LNX1: variants seen among roughly 807,000 people sequenced by gnomAD.
The protein encoded by LNX1 is ligand of numb-protein X 1, also known as E3 ubiquitin-protein ligase LNX.
Under a neutral mutation model 68.4 loss-of-function variants are expected in LNX1, and 54 were observed. That is an observed-to-expected ratio of 0.79 (90% CI 0.63 to 0.99). The LOEUF (loss-of-function observed/expected upper bound fraction) is 0.99, where lower values mean the gene tolerates loss of function less well. LNX1 is among the 50% of genes least tolerant of loss of function. LNX1 has a pLI of 0.00. For synonymous variants in LNX1, 336 were observed against 350.0 expected, an observed-to-expected ratio of 0.96 and a Z score of 0.45; for missense variants, 906 against 926.4, an observed-to-expected ratio of 0.98 and a Z score of 0.29.
At chr4:53,639,168 C>A (rs1362266508) in intron 1 of LNX1, among the ~76,000 whole-genome samples, 5 of 152,180 alleles carry the variant, frequency 3.3e-5, no homozygotes, top group African/African-American at 1.2e-4. Context: ...AGAACAAAAT[C>A]ATGTCCTTTG....
At chr4:53,599,890 G>A (rs1446096243) in intron 2 of LNX1, among the ~76,000 whole-genome samples, 6 of 152,186 alleles carry the variant, frequency 3.9e-5, no homozygotes, top group Non-Finnish European at 5.9e-5. Flanking sequence ...TATGGTCTCA[G>A]TTTCGTGCCC....
At chr4:53,610,721 A>G (rs1182706650) in intron 2 of LNX1, among the ~76,000 whole-genome samples, 2 of 151,118 alleles carry the variant, frequency 1.3e-5, no homozygotes, top group East Asian at 3.9e-4. Flanking sequence ...AGAGGAAAAA[A>G]AAAAAAAAAA....
exon 1 of LNX1, chr4:53,617,318 TC>T (rs1733715679): frequency 6.6e-6 from 1 of 152,210 alleles, no homozygotes; most frequent in Non-Finnish European, 1.5e-5. Context: ...ACCACAGCTT[TC>T]ATTTTTGAAG....
At position 53,460,781 on chromosome 4, in the gene LNX1, A is replaced by G; in HGVS notation, c.*126T>C. 2 of 999,766 alleles carry G rather than the reference A, an allele frequency of 2.0e-6. No homozygotes were observed. The highest frequency in any genetic ancestry group is 2.9e-6 in the Non-Finnish European group (2 of 684,458). The allele number at this position is 999,766 out of a possible 1,614,324, so 61.9% of individuals were successfully genotyped here. On this transcript the variant is annotated 3_prime_UTR_variant, in exon 11 of 11. Transcript: ENST00000263925. ...TGTAACTGGCTTTCATTAGATGATC[A>G]TACTTTTCCTGACATTTTTACAATG...
chr4:53,634,116 G>A (rs1421528687), intron 1 of LNX1, among the ~76,000 whole-genome samples: 1 of 152,096 alleles, frequency 6.6e-6, no homozygotes, highest in African/African-American at 2.4e-5. Flanking sequence ...GAAGAAGACA[G>A]GAAATCTCAA....
chr4:53,626,726 G>T (rs1201536535), intron 1 of LNX1, among the ~76,000 whole-genome samples: 1 of 152,180 alleles, frequency 6.6e-6, no homozygotes, highest in Non-Finnish European at 1.5e-5. Context: ...AGAAGGAAAT[G>T]AGCTCTTCTT....
At chr4:53,469,530 CA>C (rs1173982685) in intron 9 of LNX1, among the ~76,000 whole-genome samples, 1 of 151,998 alleles carries the variant, frequency 6.6e-6, no homozygotes, top group Admixed American at 6.6e-5. Flanking sequence ...AAAAACCCTT[CA>C]AAAAATCAAT....
intron 2 of LNX1, among the ~76,000 whole-genome samples, chr4:53,598,389 T>A (rs1450846705): frequency 1.3e-5 from 2 of 151,968 alleles, no homozygotes; most frequent in Non-Finnish European, 2.9e-5. Context: ...TGCACCACCA[T>A]GCCCAGCAAA....
At chr4:53,595,220 TCTGTTGGGGAGGAA>T (rs1732695859), upstream of LNX1, among the ~76,000 whole-genome samples, 7 of 152,074 alleles carry the variant, frequency 4.6e-5, no homozygotes, top group Admixed American at 4.6e-4. Context: ...ATAGCAGATA[TCTGTTGGGGAGGAA>T]CATGTGTGTG....
At chr4:53,601,074 C>CAAGAAAGA (rs377014314) in intron 2 of LNX1, among the ~76,000 whole-genome samples, 1 of 76,334 alleles carries the variant, frequency 1.3e-5, no homozygotes, top group Non-Finnish European at 2.3e-5. Context: ...GAAGATTCTG[C>CAAGAAAGA]AAGAAAGAAA....
intron 1 of LNX1, among the ~76,000 whole-genome samples, chr4:53,631,690 G>T (rs1734279151): frequency 6.7e-6 from 1 of 148,836 alleles, no homozygotes; most frequent in Non-Finnish European, 1.5e-5. Context: ...TGAGACCCAA[G>T]CATGGATATA....
intron 1 of LNX1, chr4:53,575,934 C>T: frequency 6.4e-7 from 1 of 1,567,292 alleles, no homozygotes; most frequent in Non-Finnish European, 8.6e-7. Context: ...TTGGGGTCAG[C>T]ACCAACCTGC....
chr4:53,489,882 T>G (rs761967070), intron 6 of LNX1, among the ~76,000 whole-genome samples: 1 of 152,130 alleles, frequency 6.6e-6, no homozygotes, highest in Non-Finnish European at 1.5e-5. Context: ...AGATTAAGTG[T>G]ACTGATCTGT....
At chr4:53,530,921 T>G (rs1727973660) in intron 2 of LNX1, among the ~76,000 whole-genome samples, 1 of 152,136 alleles carries the variant, frequency 6.6e-6, no homozygotes. Context: ...CCCAGCACCC[T>G]GGGAGGCTTA....
chr4:53,643,404 C>T (rs1468521200), intron 1 of LNX1, among the ~76,000 whole-genome samples: 2 of 152,088 alleles, frequency 1.3e-5, no homozygotes, highest in Non-Finnish European at 2.9e-5. Context: ...CCCACCTTGG[C>T]CTTCCAAAGT....
chr4:53,478,439 T>C (rs1723704152), intron 8 of LNX1, 126 bp downstream of exon 8: 2 of 815,766 alleles, frequency 2.5e-6, no homozygotes, highest in Non-Finnish European at 3.7e-6. Context: ...GGTCAATGGG[T>C]AACAAAAGTC....
At chr4:53,481,034 C>A (rs1723878853) in intron 7 of LNX1, among the ~76,000 whole-genome samples, 1 of 152,146 alleles carries the variant, frequency 6.6e-6, no homozygotes. Context: ...CTTAAACACG[C>A]ATCCAAATGA....
At chr4:53,466,021 G>T (rs1054372967) in intron 9 of LNX1, among the ~76,000 whole-genome samples, 8 of 152,014 alleles carry the variant, frequency 5.3e-5, no homozygotes, top group Non-Finnish European at 8.8e-5. Flanking sequence ...CTTTTTGTTT[G>T]TAAGAGGCAT....
intron 2 of LNX1, among the ~76,000 whole-genome samples, chr4:53,538,834 T>G (rs1458794164): frequency 6.6e-6 from 1 of 152,080 alleles, no homozygotes; most frequent in African/African-American, 2.4e-5. Context: ...CAAGAGCCCT[T>G]TTGGGGAGAA....
Sources: allele counts gnomAD v4.1 joint callset (sites outside exome capture counted in the v4.1 genomes callset), GRCh38; gene constraint gnomAD v4.1.1; transcripts MANE v1.5; gene names NCBI Gene and HGNC (gene_info 2026-07-23, HGNC 2026-07-21).